NOVA1: variants seen among roughly 807,000 people sequenced by gnomAD.
The protein encoded by NOVA1 is RNA-binding protein Nova-1.
A neutral mutation model predicts 38.0 loss-of-function variants in NOVA1; 7 were observed. The observed-to-expected ratio is 0.18, with a 90% CI of 0.10 to 0.35. NOVA1 has a LOEUF of 0.35. NOVA1 is among the 10% of genes least tolerant of loss of function. The pLI is 1.00. For synonymous variants in NOVA1, 270 were observed against 232.5 expected (o/e 1.16, Z -1.47); for missense variants, 460 against 616.0 (o/e 0.75, Z 2.68).
intron 2 of NOVA1, among the ~76,000 whole-genome samples, chr14:26,515,645 T>C (rs1888408760): frequency 6.6e-6 from 1 of 151,992 alleles, no homozygotes; most frequent in South Asian, 2.1e-4. Flanking sequence ...ATTTTGGACA[T>C]GTATCCTATG....
rs142327405 is a variant in NOVA1, at chr14:26,520,533, G to A, written c.281-40390C>T. ...ACAACAAAAAGCACAAAATTAAGCC[G>A]TGGCACTAATAAACTGAAAAGGACA... is the stretch of plus-strand genomic sequence containing the variant. On this transcript the variant is annotated intron_variant, in intron 2 of 4. Transcript: ENST00000539517. Among the ~76,000 whole-genome samples the A allele has an allele frequency of 2.2e-3, 338 of 152,234 alleles. 3 individuals are homozygous for A. The highest frequency in any genetic ancestry group is 7.7e-3 in the African/African-American group (319 of 41,544).
intron 4 of NOVA1, among the ~76,000 whole-genome samples, chr14:26,458,454 T>G (rs1416513393): frequency 6.6e-6 from 1 of 152,058 alleles, no homozygotes; most frequent in Admixed American, 6.6e-5. Context: ...GTGGACTGGA[T>G]AAGTAAAATG....
Position 26,469,937 on chromosome 14 carries a change from A to G in NOVA1, c.519+2383T>C, listed in dbSNP as rs191109531. ...TCTCATATAGTCTTTCAGTTTTAAG[A>G]AGGAAATTATTATAGGACAACACTG... is the stretch of plus-strand genomic sequence containing the variant. On this transcript the variant is annotated intron_variant, in intron 4 of 4. Coordinates refer to ENST00000539517, the MANE Select transcript of NOVA1 (RefSeq NM_002515.3). Among the ~76,000 whole-genome samples the G allele has an allele frequency of 1.2e-4, 19 of 152,246 alleles. No homozygotes were observed. In the East Asian group the frequency reaches 3.5e-3, roughly 28 times the overall value.
chr14:26,490,519 G>C (rs938951884), intron 2 of NOVA1, among the ~76,000 whole-genome samples: 2 of 152,148 alleles, frequency 1.3e-5, no homozygotes, highest in African/African-American at 4.8e-5. Flanking sequence ...TTATTTTTTA[G>C]TAATAGCCAT....
intron 2 of NOVA1, among the ~76,000 whole-genome samples, chr14:26,587,310 A>T (rs1202643926): frequency 8.1e-5 from 12 of 147,586 alleles, no homozygotes; most frequent in South Asian, 2.1e-4. Context: ...AAAATATATA[A>T]AAAAAAAAAA....
At chr14:26,561,644 T>A (rs999697722) in intron 2 of NOVA1, among the ~76,000 whole-genome samples, 10 of 152,212 alleles carry the variant, frequency 6.6e-5, no homozygotes, top group Admixed American at 2.0e-4. Flanking sequence ...ACAAACTGTA[T>A]TGAACATAGT....
At chr14:26,481,049 G>A (rs1330745232) in intron 2 of NOVA1, among the ~76,000 whole-genome samples, 2 of 151,930 alleles carry the variant, frequency 1.3e-5, no homozygotes, top group African/African-American at 4.8e-5. Context: ...ATACATTAAG[G>A]CAATAAAAAT....
chr14:26,499,659 G>C (rs1887103327), intron 2 of NOVA1, among the ~76,000 whole-genome samples: 1 of 152,244 alleles, frequency 6.6e-6, no homozygotes, highest in Admixed American at 6.5e-5. Flanking sequence ...ATATGGAAGA[G>C]AGGGACACAA....
chr14:26,595,580 G>A, intron 1 of NOVA1, 27 bp from the exon 2 acceptor site: 1 of 1,601,586 alleles, frequency 6.2e-7, no homozygotes, highest in Non-Finnish European at 8.5e-7. Context: ...AATATACTCG[G>A]TTAACACAGT....
chr14:26,501,228 AG>A (rs1887221387), intron 2 of NOVA1, among the ~76,000 whole-genome samples: 1 of 152,036 alleles, frequency 6.6e-6, no homozygotes, highest in South Asian at 2.1e-4. Context: ...TATCACCTTA[AG>A]GTTAGGCAGG....
In NOVA1 at chr14:26,564,195, G is replaced by A. The variant is rs111758254; in HGVS notation, c.280+31215C>T. On this transcript the variant is annotated intron_variant, in intron 2 of 4. Transcript: ENST00000539517. ...ACTTCAGGACCTCATAGGGCCTGAC[G>A]TACATAACTTCACCATTTCATAAAA... Among the ~76,000 whole-genome samples the A allele has an allele frequency of 8.6e-3, 1,307 of 152,106 alleles. 18 individuals carry two copies. Among genetic ancestry groups the A allele is most frequent in the African/African-American group, 0.029 (1,195 of 41,484 alleles).
At chr14:26,473,402 G>A (rs893008948) in intron 3 of NOVA1, among the ~76,000 whole-genome samples, 12 of 151,464 alleles carry the variant, frequency 7.9e-5, no homozygotes, top group African/African-American at 2.4e-5. Flanking sequence ...AGGTGAAATG[G>A]GATAGGTTTT....
At chr14:26,559,401 T>G (rs1891685799) in intron 2 of NOVA1, among the ~76,000 whole-genome samples, 1 of 152,192 alleles carries the variant, frequency 6.6e-6, no homozygotes. Context: ...ATGGGATAAC[T>G]GTAAAGGTTA....
At chr14:26,595,967 C>G (rs896795700) in intron 1 of NOVA1, 1 of 385,064 alleles carries the variant, frequency 2.6e-6, no homozygotes, top group Admixed American at 3.4e-5. Flanking sequence ...AGAAGAAAAG[C>G]CCAGGACTGT....
At chr14:26,502,478 C>T (rs1887308988) in intron 2 of NOVA1, among the ~76,000 whole-genome samples, 1 of 151,592 alleles carries the variant, frequency 6.6e-6, no homozygotes, top group Non-Finnish European at 1.5e-5. Flanking sequence ...ATAGTATTAG[C>T]ATTTTCGTTA....
At chr14:26,592,857 G>C (rs930752561) in intron 2 of NOVA1, 2 of 151,598 alleles carry the variant, frequency 1.3e-5, no homozygotes, top group African/African-American at 4.8e-5. Flanking sequence ...TACACATCCT[G>C]AAGAAAGTTT....
Position 26,443,461 on chromosome 14 carries a change from A to C in NOVA1, c.*4498T>G, listed in dbSNP as rs920858279. ...TTTTCAAGAACAGTTTTTTTTGTTT[A>C]TATAGACCAGTGGAATGACATCCTG... On this transcript the variant is annotated 3_prime_UTR_variant, in exon 5 of 5. Coordinates refer to ENST00000539517, the MANE Select transcript of NOVA1 (RefSeq NM_002515.3). 2 of 151,916 alleles carry C rather than the reference A, an allele frequency of 1.3e-5. No homozygotes were observed. Among genetic ancestry groups the C allele is most frequent in the African/African-American group, 4.8e-5 (2 of 41,386 alleles). 9.4% of individuals were successfully genotyped at this position (151,916 alleles called of 1,614,324 possible).
chr14:26,579,595 C>G (rs957903119), intron 2 of NOVA1, among the ~76,000 whole-genome samples: 1 of 151,924 alleles, frequency 6.6e-6, no homozygotes, highest in African/African-American at 2.4e-5. Flanking sequence ...ATTTAATTTA[C>G]TATATGAAGT....
At chr14:26,555,386 C>G (rs1273654832) in intron 2 of NOVA1, among the ~76,000 whole-genome samples, 1 of 152,068 alleles carries the variant, frequency 6.6e-6, no homozygotes, top group Non-Finnish European at 1.5e-5. Flanking sequence ...ATACAGAATC[C>G]TATTACATTG....
Sources: gnomAD v4.1 joint callset for allele counts (sites outside exome capture counted in the v4.1 genomes callset) on GRCh38, gnomAD v4.1.1 for gene constraint, MANE v1.5 for transcripts, NCBI Gene and HGNC (gene_info 2026-07-23, HGNC 2026-07-21) for gene names.